GRM5: variants seen among roughly 807,000 people sequenced by gnomAD.
GRM5 encodes the protein metabotropic glutamate receptor 5.
Under a neutral mutation model 83.1 loss-of-function variants are expected in GRM5, and 19 were observed. The observed-to-expected ratio is 0.23, with a 90% CI of 0.16 to 0.34. The LOEUF (loss-of-function observed/expected upper bound fraction) is 0.34. Ranked by LOEUF, GRM5 falls within the 10% of genes least tolerant of loss-of-function variation. GRM5 has a pLI of 1.00. For missense variants in GRM5, 1,160 were observed against 1,588.3 expected, an observed-to-expected ratio of 0.73 and a Z score of 4.58; for synonymous variants, 675 against 633.6, an observed-to-expected ratio of 1.07 and a Z score of -0.98.
At chr11:88,562,381 A>T (rs1942777133) in intron 8 of GRM5, among the ~76,000 whole-genome samples, 1 of 152,176 alleles carries the variant, frequency 6.6e-6, no homozygotes, top group South Asian at 2.1e-4. Flanking sequence ...TCCATTACTC[A>T]TTAGTCATGA....
intron 4 of GRM5, among the ~76,000 whole-genome samples, chr11:88,639,591 A>ATT (rs112279173): frequency 7.0e-5 from 10 of 142,684 alleles, no homozygotes; most frequent in Non-Finnish European, 1.1e-4. Context: ...CTGCAAGTTC[A>ATT]TTTTTTTTTT....
intron 3 of GRM5, among the ~76,000 whole-genome samples, chr11:88,795,186 T>C (rs1010741194): frequency 1.3e-5 from 2 of 152,238 alleles, no homozygotes; most frequent in Admixed American, 1.3e-4. Context: ...TTAGGGCATA[T>C]GGAACTGAAA....
rs150142350 is a variant in GRM5 at position 88,721,097 on chromosome 11, A to G, written c.912-67694T>C. Among the ~76,000 whole-genome samples the G allele has an allele frequency of 7.9e-5, 12 of 152,156 alleles. No individual in the cohort carries two copies. The East Asian group carries it at 2.3e-3, about 29-fold the overall frequency. On this transcript the variant is annotated intron_variant, in intron 3 of 9. Coordinates refer to ENST00000305447, the MANE Select transcript of GRM5 (RefSeq NM_001143831.3). Reference sequence around the variant, plus strand: ...ATTTATTCTCCTTAGGTGCAAAAATATGGTAATCACACAACCTTAAAATAG... The same window carrying G: ...ATTTATTCTCCTTAGGTGCAAAAATGTGGTAATCACACAACCTTAAAATAG...
chr11:88,592,640 A>G (rs899019087), intron 6 of GRM5, among the ~76,000 whole-genome samples: 2 of 152,202 alleles, frequency 1.3e-5, no homozygotes, highest in African/African-American at 2.4e-5. Context: ...TTCCAACATT[A>G]CAATCTCTTT....
chr11:89,054,583 A>G (rs1043087476), intron 1 of GRM5, among the ~76,000 whole-genome samples: 7 of 152,166 alleles, frequency 4.6e-5, no homozygotes, highest in African/African-American at 1.7e-4. Flanking sequence ...GGATTAAATC[A>G]CCGAGGAAGT....
Position 88,567,883 on chromosome 11 carries a change from G to C in GRM5, c.1800C>G (p.Val600=). ...GLLATLFVTV[V]FIIYRDTPVV... is the part of the protein sequence containing the mutation. ...CTGGTGTATCACGGTAAATGATGAA[G>C]ACTACAGTAACAAACAGGGTGGCCA... Residue 600 remains valine, a synonymous_variant, in exon 8 of 10, where the codon GTC becomes GTG. Transcript: ENST00000305447. The surrounding 1 kb of genome is among the most constrained non-coding windows in gnomAD (Gnocchi z 7.3). 6.2e-7 allele frequency: 1 copy of C among 1,613,656 alleles called. No homozygotes were observed. The highest frequency in any genetic ancestry group is 1.6e-4 in the Middle Eastern group (1 of 6,062).
At chr11:88,537,571 G>A (rs1055883365) in intron 8 of GRM5, among the ~76,000 whole-genome samples, 3 of 152,108 alleles carry the variant, frequency 2.0e-5, no homozygotes, top group Non-Finnish European at 4.4e-5. Flanking sequence ...AAGTCATTAT[G>A]GATCTTTAGG....
rs187027838 is a variant in GRM5 at position 88,733,332 on chromosome 11, T to C, written c.912-79929A>G. ...TCATCCTCTAATCTGTTTGGGAAGG[T>C]TCTGGAAATCCTGATAAAAATATAC... On this transcript the variant is annotated intron_variant, in intron 3 of 9. Coordinates refer to ENST00000305447, the MANE Select transcript of GRM5 (RefSeq NM_001143831.3). 8.5e-5 allele frequency among the ~76,000 whole-genome samples: 13 copies of C among 152,126 alleles called. No individual in the cohort carries two copies. The East Asian group carries it at 2.5e-3, about 29-fold the overall frequency.
chr11:88,547,198 A>G (rs1942402520), intron 8 of GRM5, among the ~76,000 whole-genome samples: 1 of 152,198 alleles, frequency 6.6e-6, no homozygotes, highest in African/African-American at 2.4e-5. Context: ...GGGAAGAAAG[A>G]AACTATTACA....
intron 2 of GRM5, among the ~76,000 whole-genome samples, chr11:88,950,154 G>A (rs1938411384): frequency 1.3e-5 from 2 of 151,914 alleles, no homozygotes; most frequent in Admixed American, 6.6e-5. Context: ...GATTACAGGC[G>A]TGAGCCACCA....
chr11:88,552,088 G>T (rs1038030564), intron 8 of GRM5, among the ~76,000 whole-genome samples: 1 of 150,048 alleles, frequency 6.7e-6, no homozygotes, highest in South Asian at 2.1e-4. Flanking sequence ...GCAGTGGCAT[G>T]ACCATAGCTC....
chr11:88,939,336 A>G lies in GRM5; in HGVS notation c.662-89181T>C, dbSNP rs4121826. On this transcript the variant is annotated intron_variant, in intron 2 of 9. Transcript: ENST00000305447. ...AAATAATTTTTAATCAAGTGATACA[A>G]GGGTGCCCACATTAATCATATTTTC... is the stretch of plus-strand genomic sequence containing the variant. Among the ~76,000 whole-genome samples the G allele has an allele frequency of 9.6e-3, 1,453 of 151,952 alleles. 33 individuals are homozygous for G. Among genetic ancestry groups the G allele is most frequent in the Non-Finnish European group, 0.013 (865 of 67,832 alleles).
At position 88,574,996 on chromosome 11, in the gene GRM5, T is replaced by C. The variant is rs571902843; in HGVS notation, c.1691-7004A>G. ...GTAACTTTTCTTTTCTTTTTTTTTT[T>C]TTTTTACTTTAGCATAGAAAAAAAA... On this transcript the variant is annotated intron_variant, in intron 7 of 9. Transcript: ENST00000305447. Among the ~76,000 whole-genome samples, 191 of 149,384 alleles carry C rather than the reference T, an allele frequency of 1.3e-3. 6 individuals are homozygous for C. In the South Asian group the frequency reaches 0.038, roughly 30 times the overall value.
intron 8 of GRM5, among the ~76,000 whole-genome samples, chr11:88,534,845 A>C (rs1354719609): frequency 1.3e-5 from 2 of 152,132 alleles, no homozygotes; most frequent in Non-Finnish European, 2.9e-5. Context: ...AGATAATTGA[A>C]TCATGGGGGC....
chr11:88,724,302 G>T (rs138853640), intron 3 of GRM5, among the ~76,000 whole-genome samples: 61 of 151,994 alleles, frequency 4.0e-4, no homozygotes, highest in Admixed American at 2.4e-3. Flanking sequence ...CTTTCTTCAG[G>T]TCTCCTCTGC....
At chr11:88,741,771 C>G (rs918934760) in intron 3 of GRM5, among the ~76,000 whole-genome samples, 52 of 151,836 alleles carry the variant, frequency 3.4e-4, no homozygotes, top group Admixed American at 1.4e-3. Flanking sequence ...GTACTGAGCG[C>G]ACATGGAAAG....
At chr11:89,023,886 TAAATAAATAAAAA>T (rs1941058051) in intron 2 of GRM5, among the ~76,000 whole-genome samples, 2 of 107,302 alleles carry the variant, frequency 1.9e-5, no homozygotes, top group Admixed American at 1.9e-4. Flanking sequence ...AATAAATAAA[TAAATAAATAAAAA>T]TAAATTTTAA....
At chr11:88,773,796 G>T (rs1160420110) in intron 3 of GRM5, among the ~76,000 whole-genome samples, 1 of 152,116 alleles carries the variant, frequency 6.6e-6, no homozygotes, top group African/African-American at 2.4e-5. Context: ...CCTCTATTCT[G>T]TTCCATTGGT....
intron 2 of GRM5, among the ~76,000 whole-genome samples, chr11:88,877,898 T>C (rs968261331): frequency 6.6e-6 from 1 of 151,616 alleles, no homozygotes; most frequent in Non-Finnish European, 1.5e-5. Flanking sequence ...GAGAGATATC[T>C]AATGCTAGAT....
Sources: allele counts gnomAD v4.1 joint callset (sites outside exome capture counted in the v4.1 genomes callset), GRCh38; gene constraint gnomAD v4.1.1; non-coding constraint Gnocchi (gnomAD v3.1); transcripts MANE v1.5; gene names NCBI Gene and HGNC (gene_info 2026-07-23, HGNC 2026-07-21).